Variants in CCDC7 observed in about 807,000 individuals in gnomAD.
CCDC7 encodes the protein coiled-coil domain-containing protein 7.
A neutral mutation model predicts 196.9 loss-of-function variants in CCDC7; 183 were observed. That is an observed-to-expected ratio of 0.93 (90% CI 0.82 to 1.05). The LOEUF is 1.05. CCDC7 is among the 50% of genes least tolerant of loss of function. The pLI, the probability that CCDC7 is intolerant of heterozygous loss-of-function variation, is 0.00. For synonymous variants in CCDC7, 525 were observed against 484.6 expected (o/e 1.08, Z -1.10); for missense variants, 1,540 against 1,482.2 (o/e 1.04, Z -0.64).
chr10:32,646,076 G>T (rs1311130999), intron 20 of CCDC7, among the ~76,000 whole-genome samples: 1 of 145,482 alleles, frequency 6.9e-6, no homozygotes, highest in Non-Finnish European at 1.5e-5. Context: ...CTTATTTTCG[G>T]ATTGTTCTTT....
chr10:32,662,616 C>T (rs1387453575), intron 20 of CCDC7, among the ~76,000 whole-genome samples: 1 of 152,122 alleles, frequency 6.6e-6, no homozygotes, highest in Non-Finnish European at 1.5e-5. Flanking sequence ...CCATAGATGT[C>T]TTTGAGAAGG....
At chr10:32,461,388 A>AAT (rs2035587948) in intron 3 of CCDC7, among the ~76,000 whole-genome samples, 1 of 152,136 alleles carries the variant, frequency 6.6e-6, no homozygotes. Flanking sequence ...AAACTTATTG[A>AAT]ATACTGTACT....
In CCDC7 at chr10:32,727,170, C is replaced by T. The variant is rs149673660; in HGVS notation, c.2668+338C>T. Among the ~76,000 whole-genome samples, 142 of 152,164 alleles carry T rather than the reference C, an allele frequency of 9.3e-4. 1 individual carries two copies. The highest frequency in any genetic ancestry group is 3.1e-3 in the African/African-American group (127 of 41,514). On this transcript the variant is annotated intron_variant, in intron 26 of 41. Transcript: ENST00000639629. ...CCCAATGATCACTTACCACGTGTAG[C>T]GATGTTGTTCTTCCCTAGGCTTCAG...
intron 31 of CCDC7, among the ~76,000 whole-genome samples, chr10:32,822,294 A>C (rs1172533479): frequency 6.6e-6 from 1 of 152,202 alleles, no homozygotes; most frequent in Non-Finnish European, 1.5e-5. Context: ...TAAAAAATTT[A>C]TATAATTGTA....
intron 20 of CCDC7, among the ~76,000 whole-genome samples, chr10:32,641,212 G>T (rs1484675994): frequency 6.6e-6 from 1 of 152,126 alleles, no homozygotes; most frequent in Admixed American, 6.5e-5. Context: ...TTGCTAGATT[G>T]GGGAAGTTCT....
At chr10:32,567,887 C>T in exon 15 of CCDC7, 1 of 1,611,876 alleles carries the variant, frequency 6.2e-7, no homozygotes, top group Non-Finnish European at 8.5e-7. Context: ...CAAGAATATC[C>T]ACAGGTGAGG....
chr10:32,671,182 A>T (rs904058889), intron 21 of CCDC7, among the ~76,000 whole-genome samples: 2 of 148,476 alleles, frequency 1.3e-5, no homozygotes, highest in Non-Finnish European at 2.9e-5. Flanking sequence ...CCACTCACTT[A>T]CTCACTCACT....
intron 20 of CCDC7, among the ~76,000 whole-genome samples, chr10:32,640,648 G>A (rs2066572802): frequency 6.6e-6 from 1 of 152,076 alleles, no homozygotes; most frequent in Non-Finnish European, 1.5e-5. Flanking sequence ...GGCTGGTACT[G>A]GTTGTTCCTT....
chr10:32,754,917 C>A (rs2076176854), intron 28 of CCDC7, among the ~76,000 whole-genome samples: 1 of 151,838 alleles, frequency 6.6e-6, no homozygotes, highest in African/African-American at 2.4e-5. Context: ...ACACTCCCAC[C>A]CTAATACTGC....
At chr10:32,768,655 T>C (rs1289574715) in intron 28 of CCDC7, among the ~76,000 whole-genome samples, 1 of 152,198 alleles carries the variant, frequency 6.6e-6, no homozygotes, top group Non-Finnish European at 1.5e-5. Flanking sequence ...TGTGGGTTTG[T>C]CATATATGGC....
intron 18 of CCDC7, among the ~76,000 whole-genome samples, chr10:32,633,455 C>T (rs368486984): frequency 6.6e-6 from 1 of 152,078 alleles, no homozygotes; most frequent in Non-Finnish European, 1.5e-5. Flanking sequence ...TCCCCTAATG[C>T]TCCTCAATTT....
chr10:32,524,893 C>A (rs925940925), intron 11 of CCDC7, among the ~76,000 whole-genome samples: 5 of 152,040 alleles, frequency 3.3e-5, no homozygotes, highest in African/African-American at 1.2e-4. Context: ...TGGTCTATAA[C>A]CTTGTACTGG....
intron 18 of CCDC7, among the ~76,000 whole-genome samples, chr10:32,628,636 A>G (rs1434980592): frequency 6.6e-6 from 1 of 151,908 alleles, no homozygotes; most frequent in Non-Finnish European, 1.5e-5. Flanking sequence ...ACATTTATTG[A>G]TATAAACTTT....
intron 18 of CCDC7, among the ~76,000 whole-genome samples, chr10:32,592,926 C>T (rs978769471): frequency 1.2e-4 from 19 of 152,092 alleles, no homozygotes; most frequent in African/African-American, 4.4e-4. Context: ...ATATGTGCCA[C>T]ATTTTCTTAA....
At chr10:32,458,479 G>T (rs60908038) in intron 3 of CCDC7, among the ~76,000 whole-genome samples, 1 of 4,238 alleles carries the variant, frequency 2.4e-4, no homozygotes, top group African/African-American at 7.3e-4. Flanking sequence ...GTGTGTGTGT[G>T]TGCTTTTTTT....
chr10:32,496,972 G>A (rs2043006774), intron 9 of CCDC7, among the ~76,000 whole-genome samples: 1 of 152,158 alleles, frequency 6.6e-6, no homozygotes, highest in South Asian at 2.1e-4. Context: ...AATGGTACCA[G>A]CTCCTCTTTG....
At chr10:32,795,742 A>AT (rs950538421) in intron 29 of CCDC7, among the ~76,000 whole-genome samples, 1 of 151,964 alleles carries the variant, frequency 6.6e-6, no homozygotes, top group South Asian at 2.1e-4. Flanking sequence ...TCCATATTAA[A>AT]TTTTTTTCAC....
intron 18 of CCDC7, among the ~76,000 whole-genome samples, chr10:32,591,606 T>C (rs2059788576): frequency 1.3e-5 from 2 of 152,082 alleles, no homozygotes; most frequent in Non-Finnish European, 2.9e-5. Context: ...AATATATTAA[T>C]AGATACACAA....
At chr10:32,665,717 T>G (rs576430668) in intron 21 of CCDC7, among the ~76,000 whole-genome samples, 2 of 152,210 alleles carry the variant, frequency 1.3e-5, no homozygotes, top group African/African-American at 4.8e-5. Context: ...TATGGTTACA[T>G]ATGAATTTTT....
Sources: allele counts gnomAD v4.1 joint callset (sites outside exome capture counted in the v4.1 genomes callset), GRCh38; gene constraint gnomAD v4.1.1; transcripts MANE v1.5; gene names NCBI Gene and HGNC (gene_info 2026-07-23, HGNC 2026-07-21).